SYNJ2: variants seen among roughly 807,000 people sequenced by gnomAD.
The protein encoded by SYNJ2 is synaptojanin 2.
SYNJ2 carries 116 observed loss-of-function variants against 141.3 expected under a neutral mutation model. The observed-to-expected ratio is 0.82, with a 90% CI of 0.71 to 0.96. The LOEUF is 0.96. Among genes scored for constraint, SYNJ2 ranks in the 40% least tolerant of loss-of-function variants. SYNJ2 has a pLI of 0.00. For missense variants in SYNJ2, 1,873 were observed against 1,934.8 expected (o/e 0.97, Z 0.60); for synonymous variants, 745 against 777.7 (o/e 0.96, Z 0.70).
chr6:157,986,864 G>A (rs927441516), intron 1 of SYNJ2, among the ~76,000 whole-genome samples: 7 of 150,828 alleles, frequency 4.6e-5, no homozygotes, highest in Non-Finnish European at 8.8e-5. Flanking sequence ...TTATGAAAAC[G>A]TGAATCTCCT....
At chr6:158,094,371 A>G (rs1049612874) in intron 26 of SYNJ2, among the ~76,000 whole-genome samples, 1 of 147,924 alleles carries the variant, frequency 6.8e-6, no homozygotes, top group Non-Finnish European at 1.5e-5. Flanking sequence ...CACTCAGAAC[A>G]CATACATTAG....
chr6:158,024,767 G>A (rs545954200), intron 2 of SYNJ2, among the ~76,000 whole-genome samples: 1 of 152,104 alleles, frequency 6.6e-6, no homozygotes, highest in African/African-American at 2.4e-5. Flanking sequence ...GAAGAGGGGG[G>A]ACTGGAAATA....
rs562722026 is a variant in SYNJ2 at position 158,032,778 on chromosome 6, T to C, written c.486-677T>C. ...CCAAAGTACTTAGAATGGGGCTTAG[T>C]GCACAGGATAAATGTTGGCTGTCAC... On this transcript the variant is annotated intron_variant, in intron 3 of 26. Coordinates refer to ENST00000355585, the MANE Select transcript of SYNJ2 (RefSeq NM_003898.4). Among the ~76,000 whole-genome samples, 22 of 152,346 alleles carry C rather than the reference T, an allele frequency of 1.4e-4. No individual in the cohort carries two copies. The East Asian group carries it at 4.0e-3, about 28-fold the overall frequency.
rs562630219 is a variant in SYNJ2, at chr6:158,043,854, C to T, written c.795+455C>T. Among the ~76,000 whole-genome samples, 2 of 152,256 alleles carry T rather than the reference C, an allele frequency of 1.3e-5. No individual in the cohort carries two copies. Among genetic ancestry groups the T allele is most frequent in the South Asian group, 4.1e-4 (2 of 4,824 alleles). On this transcript the variant is annotated intron_variant, in intron 5 of 26. Transcript: ENST00000355585. This position sits in a 1 kb window ranked among gnomAD's most constrained non-coding sequence, Gnocchi z 4.0. ...CTGTTGTGGGGCCACGTGAGACTTC[C>T]ACAGCTTTCCCGTGATTTCTAAAAA...
rs200064551 is a variant in SYNJ2, at chr6:158,071,659, C to A, written c.1998C>A (p.Gly666=). ...TGMGGKAGNK[G]AVGIRFQFHS... is the part of the protein sequence containing the mutation. ...TGGGGGGCAAGGCGGGGAACAAGGG[C>A]GCCGTCGGCATCCGCTTCCAGTTCC... The change falls in exon 15 of 27, where the codon GGC becomes GGA. Residue 666 remains glycine, a synonymous_variant. Transcript: ENST00000355585. This position sits in a 1 kb window ranked among gnomAD's most constrained non-coding sequence, Gnocchi z 4.3. 6.2e-7 allele frequency: 1 copy of A among 1,614,118 alleles called. No individual in the cohort carries two copies. Among genetic ancestry groups the A allele is most frequent in the Admixed American group, 1.7e-5 (1 of 60,032 alleles).
At chr6:158,059,551 C>A (rs1583429682) in intron 7 of SYNJ2, 198 bp downstream of exon 7, 4 of 1,305,066 alleles carry the variant, frequency 3.1e-6, no homozygotes, top group Middle Eastern at 3.0e-4. Flanking sequence ...AGTGTAATTT[C>A]TTTTCTTTTT....
At position 158,070,174 on chromosome 6, in the gene SYNJ2, G is replaced by A. The variant is rs1425602840; in HGVS notation, c.1940+501G>A. 4.1e-6 allele frequency: 4 copies of A among 985,604 alleles called. No homozygotes were observed. The highest frequency in any genetic ancestry group is 4.8e-6 in the Non-Finnish European group (4 of 830,088). The allele number at this position is 985,604 out of a possible 1,614,324, so 61.1% of individuals were successfully genotyped here. A position where few individuals can be genotyped will look rare whatever the true frequency, so the allele number is the denominator to read the frequency against. ...GGGGCGGCATTCCTCTTGGGGTGTG[G>A]GTGTGGGTGTTTGGATGCTGGAGGA... On this transcript the variant is annotated intron_variant, in intron 14 of 26. Transcript: ENST00000355585. The surrounding 1 kb of genome is among the most constrained non-coding windows in gnomAD (Gnocchi z 4.0).
chr6:158,023,951 A>G (rs1325080048), intron 2 of SYNJ2, among the ~76,000 whole-genome samples: 2 of 152,218 alleles, frequency 1.3e-5, no homozygotes, highest in Non-Finnish European at 2.9e-5. Flanking sequence ...CATTTCTACA[A>G]TGAAGCCCTT....
chr6:158,066,825 C>G, intron 12 of SYNJ2, 190 bp downstream of exon 12: 1 of 658,336 alleles, frequency 1.5e-6, no homozygotes, highest in Admixed American at 2.7e-5. Context: ...TTTTCCTTTC[C>G]CAGATGTTTA....
chr6:158,020,501 CCCACCTGTGTGACT>C (rs1269001770), intron 2 of SYNJ2, among the ~76,000 whole-genome samples: 3 of 151,474 alleles, frequency 2.0e-5, no homozygotes, highest in Non-Finnish European at 4.4e-5. Flanking sequence ...ACTGTGTGAC[CCCACCTGTGTGACT>C]CCAACTGTGT....
chr6:158,032,130 C>T (rs1458055900), intron 3 of SYNJ2, among the ~76,000 whole-genome samples: 1 of 151,770 alleles, frequency 6.6e-6, no homozygotes, highest in Non-Finnish European at 1.5e-5. Flanking sequence ...GCGGGCTGTG[C>T]TCCCTGTGGG....
Position 158,076,701 on chromosome 6 carries a change from G to A in SYNJ2, c.2368G>A (p.Asp790Asn), listed in dbSNP as rs756823954. 1.4e-5 allele frequency: 23 copies of A among 1,614,044 alleles called. No homozygotes were observed. The highest frequency in any genetic ancestry group is 1.6e-4 in the Middle Eastern group (1 of 6,084). ...GTATGACGTTGGCTCAGCCGCCTAC[G>A]ATACAAGCGACAAATGCCGCACCCC... ...YKYDVGSAAYDTSDKCRTPAW... is the reference protein window; with the variant it reads ...YKYDVGSAAYNTSDKCRTPAW... Residue 790 changes from aspartate to asparagine, a missense_variant, in exon 17 of 27, where the codon GAT becomes AAT. Asp to Asn is a conservative substitution (Grantham distance 23, BLOSUM62 1). Coordinates refer to ENST00000355585, the MANE Select transcript of SYNJ2 (RefSeq NM_003898.4).
intron 15 of SYNJ2, among the ~76,000 whole-genome samples, chr6:158,073,684 G>A (rs1782083299): frequency 6.6e-6 from 1 of 152,228 alleles, no homozygotes; most frequent in Admixed American, 6.5e-5. Flanking sequence ...CGGTGCTGCA[G>A]AAAGTTCTGT....
At chr6:158,081,604 C>G in intron 20 of SYNJ2, 94 bp downstream of exon 20, 1 of 219,720 alleles carries the variant, frequency 4.6e-6, no homozygotes, top group Non-Finnish European at 8.1e-6. Flanking sequence ...CTGACCTGTG[C>G]CTTTTTTTTT....
chr6:158,069,611 G>A lies in SYNJ2; in HGVS notation c.1878G>A (p.Ser626=), dbSNP rs148150317. The A allele has an allele frequency of 4.0e-5, 64 of 1,613,936 alleles. No individual in the cohort carries two copies. In the African/African-American group the frequency reaches 4.3e-4, roughly 11 times the overall value. Residue 626 remains serine, a synonymous_variant, in exon 14 of 27, where the codon TCG becomes TCA. Coordinates refer to ENST00000355585, the MANE Select transcript of SYNJ2 (RefSeq NM_003898.4). ...SRSHRYILLT[S]AQLVGVCLYI... The stretch of plus-strand genomic sequence containing the variant: ...CTCATAGATACATTCTGTTGACTTC[G>A]GCACAGCTGGTGGGCGTCTGTCTTT...
At chr6:158,057,895 G>T (rs1025629659) in intron 6 of SYNJ2, among the ~76,000 whole-genome samples, 25 of 152,360 alleles carry the variant, frequency 1.6e-4, no homozygotes, top group African/African-American at 6.0e-4. Context: ...CCCCAGGGCT[G>T]CCTGGAGCTG....
Position 158,071,715 on chromosome 6 carries a change from A to G in SYNJ2, c.2054A>G (p.His685Arg). 3.1e-6 allele frequency: 5 copies of G among 1,614,060 alleles called. No homozygotes were observed. The highest frequency in any genetic ancestry group is 4.2e-6 in the Non-Finnish European group (5 of 1,180,032). The part of the protein sequence containing the change: ...HSTSFCFICS[H>R]LTAGQSQVKE... ...ACCAGCTTCTGCTTCATATGTAGTC[A>G]CCTGACGGCCGGGCAGTCCCAGGTG... Residue 685 changes from histidine to arginine, a missense_variant, in exon 15 of 27, where the codon CAC becomes CGC. Coordinates refer to ENST00000355585, the MANE Select transcript of SYNJ2 (RefSeq NM_003898.4). The surrounding 1 kb of genome is among the most constrained non-coding windows in gnomAD (Gnocchi z 4.3).
intron 1 of SYNJ2, among the ~76,000 whole-genome samples, chr6:157,994,172 A>G (rs1320173470): frequency 6.6e-6 from 1 of 152,124 alleles, no homozygotes; most frequent in East Asian, 1.9e-4. Flanking sequence ...TATATGTTGC[A>G]TGAACCCCGC....
intron 5 of SYNJ2, among the ~76,000 whole-genome samples, chr6:158,046,873 C>T (rs957690853): frequency 7.9e-5 from 12 of 151,696 alleles, no homozygotes; most frequent in Non-Finnish European, 1.0e-4. Context: ...CGTTGCTCCC[C>T]TGGTCATTGT....
Sources: gnomAD v4.1 joint callset for allele counts (sites outside exome capture counted in the v4.1 genomes callset) on GRCh38, gnomAD v4.1.1 for gene constraint, Gnocchi (gnomAD v3.1) non-coding constraint, MANE v1.5 for transcripts, NCBI Gene and HGNC (gene_info 2026-07-23, HGNC 2026-07-21) for gene names.